Variants in FMN1 observed in about 807,000 individuals in gnomAD.
FMN1 encodes formin-1.
FMN1 carries 110 observed loss-of-function variants against 132.4 expected under a neutral mutation model. The ratio of observed to expected loss-of-function variants is 0.83; its 90% confidence interval spans 0.71 to 0.97. The LOEUF (loss-of-function observed/expected upper bound fraction) is 0.97. Among genes scored for constraint, FMN1 ranks in the 50% least tolerant of loss-of-function variants. The pLI, the probability that FMN1 is intolerant of heterozygous loss-of-function variation, is 0.00. For synonymous variants in FMN1, 722 were observed against 651.7 expected (o/e 1.11, Z -1.64); for missense variants, 1,792 against 1,705.3 (o/e 1.05, Z -0.90).
intron 15 of FMN1, among the ~76,000 whole-genome samples, chr15:32,890,594 C>G (rs551192505): frequency 6.6e-6 from 1 of 152,152 alleles, no homozygotes; most frequent in African/African-American, 2.4e-5. Flanking sequence ...TCATGTACTT[C>G]GCCGACTTTT....
chr15:33,126,638 T>TAAGTTGCAAATCCTGGCAGCAAGC (rs1963105243), intron 4 of FMN1, among the ~76,000 whole-genome samples: 1 of 151,688 alleles, frequency 6.6e-6, no homozygotes, highest in Admixed American at 6.6e-5. Context: ...GCGGAAGTGT[T>TAAGTTGCAAATCCTGGCAGCAAGC]AAGTTGCAAA....
At chr15:32,930,447 G>A (rs926990488) in intron 9 of FMN1, among the ~76,000 whole-genome samples, 6 of 151,330 alleles carry the variant, frequency 4.0e-5, no homozygotes, top group Admixed American at 2.6e-4. Flanking sequence ...TCTGACACGT[G>A]TGAGGGGTTA....
At chr15:33,001,105 A>G (rs1299825834) in intron 7 of FMN1, among the ~76,000 whole-genome samples, 1 of 152,210 alleles carries the variant, frequency 6.6e-6, no homozygotes, top group African/African-American at 2.4e-5. Flanking sequence ...CAACATGGCC[A>G]AACCCTGTCT....
At chr15:32,824,741 G>C (rs1331836137) in intron 17 of FMN1, among the ~76,000 whole-genome samples, 1 of 152,176 alleles carries the variant, frequency 6.6e-6, no homozygotes, top group Non-Finnish European at 1.5e-5. Flanking sequence ...CTACAGGTGT[G>C]AGCCACCGTG....
chr15:33,194,681 T>C lies in FMN1; in HGVS notation c.-452A>G, dbSNP rs1395412379. On this transcript the variant is annotated 5_prime_UTR_variant, in exon 1 of 21. Transcript: ENST00000616417. ...CCGTGGCGGCTGCAGCCTCGAAGGA[T>C]GCTGCGCTCCAGTCCAGAGCCAAAG... 3 of 152,210 alleles carry C rather than the reference T, an allele frequency of 2.0e-5. No homozygotes were observed. The highest frequency in any genetic ancestry group is 4.4e-5 in the Non-Finnish European group (3 of 68,074). 9.4% of individuals were successfully genotyped at this position (152,210 alleles called of 1,614,324 possible).
At chr15:32,973,717 TTCTC>T (rs1244773483) in intron 7 of FMN1, among the ~76,000 whole-genome samples, 1 of 152,232 alleles carries the variant, frequency 6.6e-6, no homozygotes, top group Non-Finnish European at 1.5e-5. Flanking sequence ...ACCTCATTCA[TTCTC>T]TGTCTGTCCA....
chr15:33,120,718 A>G (rs1050143471), intron 4 of FMN1, among the ~76,000 whole-genome samples: 8 of 152,106 alleles, frequency 5.3e-5, no homozygotes, highest in Admixed American at 3.9e-4. Context: ...TACCCATTTT[A>G]CAGACATATA....
chr15:33,068,306 C>G (rs1347702329), intron 5 of FMN1: 1 of 177,166 alleles, frequency 5.6e-6, no homozygotes, highest in Non-Finnish European at 1.2e-5. Context: ...TGGCATTCAA[C>G]TTCCTCATTG....
chr15:33,111,707 GATACCACTTACATGAA>G (rs1442233439), intron 4 of FMN1, among the ~76,000 whole-genome samples: 2 of 152,112 alleles, frequency 1.3e-5, no homozygotes, highest in Non-Finnish European at 2.9e-5. Context: ...AATATTGCAT[GATACCACTTACATGAA>G]ATTTCCAGAA....
At chr15:32,797,984 A>AT (rs950196516) in intron 19 of FMN1, among the ~76,000 whole-genome samples, 18 of 152,226 alleles carry the variant, frequency 1.2e-4, no homozygotes, top group Non-Finnish European at 2.4e-4. Flanking sequence ...ACGCTGAGGA[A>AT]TTTTTTGTCT....
intron 19 of FMN1, among the ~76,000 whole-genome samples, chr15:32,777,233 C>CT (rs1371258605): frequency 3.3e-5 from 5 of 151,986 alleles, no homozygotes; most frequent in African/African-American, 1.2e-4. Flanking sequence ...TCAGTGTTAT[C>CT]CGGCTTGTGA....
chr15:32,803,935 T>C (rs532477073), intron 18 of FMN1, among the ~76,000 whole-genome samples: 1 of 152,310 alleles, frequency 6.6e-6, no homozygotes, highest in South Asian at 2.1e-4. Flanking sequence ...GTGAAGCTTA[T>C]TGCTTATGGA....
chr15:32,923,265 C>G (rs1455963904), intron 10 of FMN1, among the ~76,000 whole-genome samples: 1 of 152,168 alleles, frequency 6.6e-6, no homozygotes, highest in Non-Finnish European at 1.5e-5. Context: ...ACTTTTTAGG[C>G]CAACATCAGC....
chr15:33,126,685 G>A (rs894227343), intron 4 of FMN1, among the ~76,000 whole-genome samples: 11 of 152,234 alleles, frequency 7.2e-5, no homozygotes, highest in African/African-American at 1.4e-4. Flanking sequence ...CAACTCAGCA[G>A]ACAGGAAGCG....
intron 4 of FMN1, among the ~76,000 whole-genome samples, chr15:33,096,693 G>A (rs1222259584): frequency 3.4e-4 from 51 of 151,574 alleles, no homozygotes; most frequent in Non-Finnish European, 7.4e-5. Context: ...TTGACCTCCC[G>A]GGCTCAGGTG....
At chr15:32,917,145 A>C (rs930676041) in intron 10 of FMN1, among the ~76,000 whole-genome samples, 1 of 152,196 alleles carries the variant, frequency 6.6e-6, no homozygotes, top group African/African-American at 2.4e-5. Flanking sequence ...CAAGAAGTGG[A>C]AAGAAGGGGA....
At chr15:32,836,988 G>A in intron 17 of FMN1, 1 of 225,714 alleles carries the variant, frequency 4.4e-6, no homozygotes, top group East Asian at 1.1e-4. Flanking sequence ...GTTTTACACT[G>A]ACAATTTCAT....
At chr15:33,144,411 C>T (rs991606232) in intron 4 of FMN1, among the ~76,000 whole-genome samples, 8 of 151,772 alleles carry the variant, frequency 5.3e-5, no homozygotes, top group South Asian at 2.1e-4. Context: ...CCGAGGTGGG[C>T]GGATCATGAG....
chr15:32,942,672 A>T (rs2061425528), intron 9 of FMN1, among the ~76,000 whole-genome samples: 1 of 152,184 alleles, frequency 6.6e-6, no homozygotes, highest in Non-Finnish European at 1.5e-5. Context: ...TACCAGATCG[A>T]GTGCATATTT....
Sources: gnomAD v4.1 joint callset for allele counts (sites outside exome capture counted in the v4.1 genomes callset) on GRCh38, gnomAD v4.1.1 for gene constraint, MANE v1.5 for transcripts, NCBI Gene and HGNC (gene_info 2026-07-23, HGNC 2026-07-21) for gene names.